EBF3: variants seen among roughly 807,000 people sequenced by gnomAD.
EBF3 encodes the protein transcription factor COE3.
Under a neutral mutation model 77.1 loss-of-function variants are expected in EBF3, and 18 were observed. That is an observed-to-expected ratio of 0.23 (90% CI 0.16 to 0.35). The LOEUF (loss-of-function observed/expected upper bound fraction) is 0.35. Among genes scored for constraint, EBF3 ranks in the 10% least tolerant of loss-of-function variants. The probability of loss-of-function intolerance (pLI) is 1.00; values close to 1 mark genes in which losing one functional copy is unlikely to be tolerated. For synonymous variants in EBF3, 350 were observed against 343.5 expected, an observed-to-expected ratio of 1.02 and a Z score of -0.21; for missense variants, 558 against 860.0, an observed-to-expected ratio of 0.65 and a Z score of 4.39.
chr10:129,907,517 C>A (rs919228381), intron 6 of EBF3, among the ~76,000 whole-genome samples: 6 of 152,218 alleles, frequency 3.9e-5, no homozygotes, highest in African/African-American at 1.2e-4. Flanking sequence ...TTTCCCAGAG[C>A]TGCCTCAGAA....
At chr10:129,875,187 C>CTTCTTTTTTTTTTTTTT (rs1852672323) in intron 7 of EBF3, among the ~76,000 whole-genome samples, 1 of 92,938 alleles carries the variant, frequency 1.1e-5, no homozygotes, top group African/African-American at 4.1e-5. Flanking sequence ...ATGGCTTCTT[C>CTTCTTTTTTTTTTTTTT]TTTTTTTTTT....
chr10:129,959,149 T>C, intron 4 of EBF3, 142 bp from the exon 5 acceptor site: 1 of 1,010,636 alleles, frequency 9.9e-7, no homozygotes. Flanking sequence ...TCGGCCACCC[T>C]CCCGATGGGG....
chr10:129,903,606 T>C (rs905270758), intron 6 of EBF3, among the ~76,000 whole-genome samples: 1 of 152,188 alleles, frequency 6.6e-6, no homozygotes, highest in African/African-American at 2.4e-5. Flanking sequence ...TTACAAATAT[T>C]TGTTGAGACA....
intron 6 of EBF3, among the ~76,000 whole-genome samples, chr10:129,925,116 T>C (rs1159223500): frequency 6.6e-6 from 1 of 151,826 alleles, no homozygotes; most frequent in Non-Finnish European, 1.5e-5. Context: ...GTGTGTACGG[T>C]TGGTGCAAAA....
rs1254298520 is a variant in EBF3 at position 129,935,300 on chromosome 10, A to T, written c.554+21958T>A. Among the ~76,000 whole-genome samples, 1 of 152,106 alleles carries T rather than the reference A, an allele frequency of 6.6e-6. No homozygotes were observed. Among genetic ancestry groups the T allele is most frequent in the Non-Finnish European group, 1.5e-5 (1 of 68,016 alleles). ...GAGTGGAGTTGGGAACCAGGCTTGG[A>T]TCTGCCCAGTGACTGGCGGCCTGGG... On this transcript the variant is annotated intron_variant, in intron 6 of 16. Transcript: ENST00000440978. The surrounding 1 kb of genome is among the most constrained non-coding windows in gnomAD (Gnocchi z 4.2).
At chr10:129,946,126 G>A (rs191303931) in intron 6 of EBF3, among the ~76,000 whole-genome samples, 405 of 152,228 alleles carry the variant, frequency 2.7e-3, no homozygotes, top group Middle Eastern at 0.014. Context: ...TAAAAAGACC[G>A]TAGCCGTTTT....
At chr10:129,865,966 C>A (rs1299636811) in intron 10 of EBF3, among the ~76,000 whole-genome samples, 1 of 152,192 alleles carries the variant, frequency 6.6e-6, no homozygotes, top group Admixed American at 6.5e-5. Context: ...CCAGCCACTG[C>A]ACATGCAGGT....
intron 4 of EBF3, among the ~76,000 whole-genome samples, chr10:129,961,512 A>G (rs1859519941): frequency 6.6e-6 from 1 of 152,210 alleles, no homozygotes. Context: ...CAGGTTAAAT[A>G]ATTTAATAAG....
intron 11 of EBF3, chr10:129,845,851 TTATGACTA>T (rs1850416331): frequency 6.6e-6 from 1 of 152,024 alleles, no homozygotes; most frequent in African/African-American, 2.4e-5. Context: ...TAAAATCATT[TTATGACTA>T]TGCACCTTAT....
At chr10:129,902,907 G>A (rs543308222) in intron 6 of EBF3, among the ~76,000 whole-genome samples, 7 of 152,148 alleles carry the variant, frequency 4.6e-5, no homozygotes, top group Admixed American at 6.5e-5. Context: ...TACCCAGCCT[G>A]GTAAATGCCA....
At chr10:129,843,555 G>A (rs1056694261) in intron 11 of EBF3, among the ~76,000 whole-genome samples, 10 of 152,198 alleles carry the variant, frequency 6.6e-5, no homozygotes, top group African/African-American at 2.4e-4. Context: ...CACACATGGC[G>A]GAGATATGAA....
intron 6 of EBF3, among the ~76,000 whole-genome samples, chr10:129,936,028 C>T (rs1014236407): frequency 3.3e-5 from 5 of 152,156 alleles, no homozygotes; most frequent in Non-Finnish European, 7.4e-5. Context: ...GAGTCAACGG[C>T]GGCAGGTGCA....
At chr10:129,889,960 TTTTTTTTTTTTTTTTTG>T (rs1156262452) in intron 6 of EBF3, among the ~76,000 whole-genome samples, 5 of 133,082 alleles carry the variant, frequency 3.8e-5, no homozygotes, top group African/African-American at 1.2e-4. Context: ...TTTTTTTTTT[TTTTTTTTTTTTTTTTTG>T]GTTATGAAGA....
At chr10:129,844,734 G>C (rs542331838) in intron 11 of EBF3, among the ~76,000 whole-genome samples, 57 of 152,182 alleles carry the variant, frequency 3.7e-4, no homozygotes, top group South Asian at 1.7e-3. Flanking sequence ...TGGTGCCGAC[G>C]CTTGATGTTG....
In EBF3 at chr10:129,952,082, C is replaced by T. The variant is rs188763970; in HGVS notation, c.554+5176G>A. ...CATCCAAAAGGTGTTTTAATATTGCCAAATTTCTAGCCAATACTTTCCCTT... is the reference window on the plus strand; with the variant it reads ...CATCCAAAAGGTGTTTTAATATTGCTAAATTTCTAGCCAATACTTTCCCTT... On this transcript the variant is annotated intron_variant, in intron 6 of 16. Transcript: ENST00000440978. The surrounding 1 kb of genome is among the most constrained non-coding windows in gnomAD (Gnocchi z 4.7). 1.3e-5 allele frequency among the ~76,000 whole-genome samples: 2 copies of T among 152,270 alleles called. No individual in the cohort carries two copies. Among genetic ancestry groups the T allele is most frequent in the East Asian group, 3.9e-4 (2 of 5,174 alleles).
At chr10:129,889,442 G>A (rs1035757295) in intron 6 of EBF3, among the ~76,000 whole-genome samples, 5 of 152,316 alleles carry the variant, frequency 3.3e-5, no homozygotes, top group East Asian at 1.9e-4. Context: ...CCCCTCCTGC[G>A]GCTGGGCCGT....
chr10:129,862,762 C>G (rs139403385), intron 10 of EBF3, among the ~76,000 whole-genome samples: 4 of 152,152 alleles, frequency 2.6e-5, no homozygotes, highest in East Asian at 1.9e-4. Flanking sequence ...TAGATGCATA[C>G]AAATTCCAAT....
Position 129,842,239 on chromosome 10 carries a change from G to T in EBF3, c.1249C>A (p.Arg417Ser). 1.9e-6 allele frequency: 3 copies of T among 1,613,892 alleles called. No individual in the cohort carries two copies. The highest frequency in any genetic ancestry group is 2.5e-6 in the Non-Finnish European group (3 of 1,179,900). Reference sequence around the variant, plus strand: ...AGGGTGGGGATCTGGTTGTGATTGCGGGGAACGCTGTACAGCGCCTCGGCG... The same window carrying T: ...AGGGTGGGGATCTGGTTGTGATTGCTGGGAACGCTGTACAGCGCCTCGGCG... ...DIAEALYSVP[R>S]NHNQIPTLGN... is the part of the protein sequence containing the mutation. The change falls in exon 13 of 17, where the codon CGC becomes AGC. Residue 417 changes from arginine to serine, a missense_variant. By Grantham distance (110) the Arg-to-Ser change is moderately radical (BLOSUM62 -1). Around this residue, in one of 5 missense-constraint regions of EBF3, gnomAD observed 284 missense variants for 368.3 expected, o/e 0.77. Coordinates refer to ENST00000440978, the MANE Select transcript of EBF3 (RefSeq NM_001375380.1). The surrounding 1 kb of genome is among the most constrained non-coding windows in gnomAD (Gnocchi z 4.4).
chr10:129,836,737 C>T lies in EBF3; in HGVS notation c.*1206G>A, dbSNP rs1214443138. 1.3e-5 allele frequency: 2 copies of T among 152,428 alleles called. No homozygotes were observed. The highest frequency in any genetic ancestry group is 3.9e-4 in the East Asian group (2 of 5,194). 9.4% of individuals were successfully genotyped at this position (152,428 alleles called of 1,614,324 possible). A position where few individuals can be genotyped will look rare whatever the true frequency, so the allele number is the denominator to read the frequency against. On this transcript the variant is annotated 3_prime_UTR_variant, in exon 17 of 17. Coordinates refer to ENST00000440978, the MANE Select transcript of EBF3 (RefSeq NM_001375380.1). ...AATGCTCTTCCCAGTATCACAACAC[C>T]AGGCCGTGATCAAAAACCAATACAG... is the stretch of plus-strand genomic sequence containing the variant.
Sources: allele counts gnomAD v4.1 joint callset (sites outside exome capture counted in the v4.1 genomes callset), GRCh38; gene constraint gnomAD v4.1.1; regional missense constraint gnomAD v4.1.1; non-coding constraint Gnocchi (gnomAD v3.1); transcripts MANE v1.5; gene names NCBI Gene and HGNC (gene_info 2026-07-23, HGNC 2026-07-21).